TUSC3: variants seen among roughly 807,000 people sequenced by gnomAD.
The protein encoded by TUSC3 is tumor suppressor candidate 3.
A neutral mutation model predicts 44.8 loss-of-function variants in TUSC3; 45 were observed. The observed-to-expected ratio is 1.00, with a 90% CI of 0.79 to 1.29. TUSC3 has a LOEUF of 1.29. TUSC3 is among the 50% of genes most tolerant of loss of function. The probability of loss-of-function intolerance (pLI) is 0.00; values close to 1 mark genes in which losing one functional copy is unlikely to be tolerated. For synonymous variants in TUSC3, 212 were observed against 152.9 expected (o/e 1.39, Z -2.85); for missense variants, 519 against 437.9 (o/e 1.19, Z -1.65).
At chr8:15,484,870 A>G (rs567854231) in intron 2 of TUSC3, among the ~76,000 whole-genome samples, 2 of 152,374 alleles carry the variant, frequency 1.3e-5, no homozygotes, top group South Asian at 4.1e-4. Context: ...TCATAAGACT[A>G]CTATGTATTT....
At chr8:15,471,375 C>T (rs1045781075) in intron 1 of TUSC3, among the ~76,000 whole-genome samples, 2 of 152,088 alleles carry the variant, frequency 1.3e-5, no homozygotes, top group African/African-American at 4.8e-5. Flanking sequence ...TTTTGTTATA[C>T]ATCTTTTCAC....
At chr8:15,477,265 C>T (rs983424930) in intron 1 of TUSC3, among the ~76,000 whole-genome samples, 31 of 152,044 alleles carry the variant, frequency 2.0e-4, no homozygotes, top group African/African-American at 7.0e-4. Context: ...AAATGGTGTA[C>T]CTTTATGTCC....
intron 1 of TUSC3, among the ~76,000 whole-genome samples, chr8:15,479,029 T>A (rs1041511918): frequency 6.6e-6 from 1 of 152,184 alleles, no homozygotes; most frequent in African/African-American, 2.4e-5. Context: ...TCTCTAATAA[T>A]TAGTGATGTT....
chr8:15,804,265 T>C, the TUSC3 span, among the ~76,000 whole-genome samples: 47 of 152,282 alleles, frequency 3.1e-4, no homozygotes, highest in African/African-American at 1.1e-3. Flanking sequence ...GATGGTTAAA[T>C]AGATTTTTAA....
chr8:15,764,304 A>G lies in TUSC3; in HGVS notation c.*148A>G, dbSNP rs1812267326. Reference sequence around the variant, plus strand: ...ATACTATTTTGAATTCATTCATTTCATTGTGATCAGCTAGCTTATTCTTGT... The same window carrying G: ...ATACTATTTTGAATTCATTCATTTCGTTGTGATCAGCTAGCTTATTCTTGT... On this transcript the variant is annotated 3_prime_UTR_variant, in exon 11 of 11. Transcript: ENST00000503731. 7.1e-7 allele frequency: 1 copy of G among 1,405,912 alleles called. No homozygotes were observed. The allele number at this position is 1,405,912 out of a possible 1,614,324, so 87.1% of individuals were successfully genotyped here. A position where few individuals can be genotyped will look rare whatever the true frequency, so the allele number is the denominator to read the frequency against.
the TUSC3 span, among the ~76,000 whole-genome samples, chr8:15,814,929 G>A: frequency 6.6e-6 from 1 of 152,130 alleles, no homozygotes; most frequent in African/African-American, 2.4e-5. Flanking sequence ...GAGTACGGGA[G>A]AAATATAAAA....
At chr8:15,457,616 A>G (rs914674401) in intron 1 of TUSC3, among the ~76,000 whole-genome samples, 1 of 150,676 alleles carries the variant, frequency 6.6e-6, no homozygotes, top group African/African-American at 2.4e-5. Flanking sequence ...AGTGTTCATA[A>G]TAGCAAAAAC....
chr8:15,540,587 G>A lies in TUSC3; in HGVS notation c.138+19G>A. On this transcript the variant is annotated intron_variant, in intron 1 of 10. Coordinates refer to ENST00000503731, the MANE Select transcript of TUSC3 (RefSeq NM_006765.4). ...AAAGGAGGTAGAATGGATCCCCTTG[G>A]CCTTCCCCTGTGGGCGGGGGCGGGC... 4.5e-6 allele frequency: 7 copies of A among 1,541,524 alleles called. No individual in the cohort carries two copies. Among genetic ancestry groups the A allele is most frequent in the Non-Finnish European group, 4.4e-6 (5 of 1,138,308 alleles).
the TUSC3 span, among the ~76,000 whole-genome samples, chr8:15,821,695 C>CT: frequency 6.6e-6 from 1 of 152,016 alleles, no homozygotes; most frequent in East Asian, 1.9e-4. Flanking sequence ...GGTTCCTTCT[C>CT]TAAGTTTTGA....
chr8:15,644,691 T>A (rs1002152203), intron 2 of TUSC3, among the ~76,000 whole-genome samples: 1 of 151,318 alleles, frequency 6.6e-6, no homozygotes, highest in Non-Finnish European at 1.5e-5. Context: ...TGGGGCACAT[T>A]TTTTTTTTCT....
chr8:15,553,006 G>A (rs1042239353), intron 1 of TUSC3, among the ~76,000 whole-genome samples: 10 of 151,650 alleles, frequency 6.6e-5, no homozygotes, highest in Non-Finnish European at 1.0e-4. Flanking sequence ...GGTTGTGTGC[G>A]GAATGAGAGA....
chr8:15,657,910 G>T (rs553433616), intron 3 of TUSC3, among the ~76,000 whole-genome samples: 1 of 152,126 alleles, frequency 6.6e-6, no homozygotes, highest in Non-Finnish European at 1.5e-5. Flanking sequence ...ACCTGCCGGC[G>T]TCTTGCCAGG....
intron 2 of TUSC3, among the ~76,000 whole-genome samples, chr8:15,638,497 CTTTTTTTTTCTTTTTTTCTTTT>C (rs1341256822): frequency 3.7e-5 from 5 of 135,522 alleles, no homozygotes; most frequent in African/African-American, 1.4e-4. Flanking sequence ...TGAAGACAAA[CTTTTTTTTTCTTTTTTTCTTTT>C]TTTTTTTTTT....
chr8:15,519,079 T>G (rs892780932), intron 2 of TUSC3, among the ~76,000 whole-genome samples: 19 of 152,200 alleles, frequency 1.2e-4, no homozygotes, highest in Non-Finnish European at 1.2e-4. Context: ...GCTCATTGAT[T>G]TGGCTTCTTG....
chr8:15,759,719 C>T (rs991205184), intron 10 of TUSC3, among the ~76,000 whole-genome samples: 5 of 152,024 alleles, frequency 3.3e-5, no homozygotes, highest in Admixed American at 2.6e-4. Flanking sequence ...CCTTTTTTCT[C>T]TTAGATTATT....
At chr8:15,659,859 A>G (rs1435203393) in intron 4 of TUSC3, among the ~76,000 whole-genome samples, 3 of 152,150 alleles carry the variant, frequency 2.0e-5, no homozygotes, top group Non-Finnish European at 4.4e-5. Context: ...TTTAAAAGCC[A>G]TTAAAAATAC....
At chr8:15,534,768 C>A (rs971692471) in intron 2 of TUSC3, among the ~76,000 whole-genome samples, 13 of 152,074 alleles carry the variant, frequency 8.5e-5, no homozygotes, top group African/African-American at 2.9e-4. Flanking sequence ...AGGGGTGCCT[C>A]ATGGTCAGAA....
chr8:15,686,232 A>G (rs1280922169), intron 6 of TUSC3, among the ~76,000 whole-genome samples: 1 of 152,148 alleles, frequency 6.6e-6, no homozygotes, highest in African/African-American at 2.4e-5. Flanking sequence ...AAAAGCAATA[A>G]TCTTTAACAA....
intron 1 of TUSC3, among the ~76,000 whole-genome samples, chr8:15,585,968 GATGGCTGA>G (rs1803584158): frequency 6.6e-6 from 1 of 152,170 alleles, no homozygotes; most frequent in South Asian, 2.1e-4. Flanking sequence ...AAAGAGAGAA[GATGGCTGA>G]AGGAAATGGA....
Sources: gnomAD v4.1 joint callset for allele counts (sites outside exome capture counted in the v4.1 genomes callset) on GRCh38, gnomAD v4.1.1 for gene constraint, MANE v1.5 for transcripts, NCBI Gene and HGNC (gene_info 2026-07-23, HGNC 2026-07-21) for gene names.